The following ASAP3 variants were observed in gnomAD, a reference collection of about 807,000 sequenced individuals.
ASAP3 encodes the protein ArfGAP with SH3 domain, ankyrin repeat and PH domain 3.
In ASAP3, 85 loss-of-function variants were observed where a neutral mutation model predicts 118.2. The observed-to-expected ratio is 0.72, with a 90% confidence interval of 0.60 to 0.86. The LOEUF is 0.86. Ranked by LOEUF, ASAP3 falls within the 40% of genes least tolerant of loss-of-function variation. The pLI is 0.00. For synonymous variants in ASAP3, 432 were observed against 477.4 expected (o/e 0.90, Z 1.24); for missense variants, 1,026 against 1,175.0 (o/e 0.87, Z 1.85).
rs929106916 is a variant in ASAP3 at position 23,484,130 on chromosome 1, G to A, written c.4C>T (p.Pro2Ser). The change falls in exon 1 of 25, where the codon CCG (proline) becomes TCG (serine). Residue 2 changes from proline to serine, a missense_variant. Physicochemically the swap from Pro to Ser is moderately conservative, Grantham distance 74. Coordinates refer to ENST00000336689, the MANE Select transcript of ASAP3 (RefSeq NM_017707.4). M[P>S]EQFSVAEFLA... ...AACTCGGCGACGCTGAACTGCTCCGGCATGGCGGGCGCGAGCGTGGAGCTG... is the reference window on the plus strand; with the variant it reads ...AACTCGGCGACGCTGAACTGCTCCGACATGGCGGGCGCGAGCGTGGAGCTG... The A allele has an allele frequency of 7.8e-7, 1 of 1,277,806 alleles. No homozygotes were observed. The highest frequency in any genetic ancestry group is 9.9e-7 in the Non-Finnish European group (1 of 1,014,006). 79.2% of individuals were successfully genotyped at this position (1,277,806 alleles called of 1,614,324 possible).
chr1:23,475,250 G>A (rs995007985), intron 1 of ASAP3, among the ~76,000 whole-genome samples: 1 of 152,084 alleles, frequency 6.6e-6, no homozygotes, highest in Non-Finnish European at 1.5e-5. Context: ...CCACAGCAAT[G>A]GTGTCTAGTG....
intron 19 of ASAP3, among the ~76,000 whole-genome samples, chr1:23,433,988 T>G (rs1028719550): frequency 1.3e-5 from 2 of 152,230 alleles, no homozygotes; most frequent in Non-Finnish European, 2.9e-5. Flanking sequence ...GCTATTACAA[T>G]CATTATCATT....
chr1:23,437,269 G>A lies in ASAP3; in HGVS notation c.1203C>T (p.Phe401=), dbSNP rs1161048318. The A allele has an allele frequency of 1.9e-6, 3 of 1,599,258 alleles. No homozygotes were observed. The East Asian group carries it at 6.8e-5, about 36-fold the overall frequency. The change falls in exon 14 of 25, where the codon TTC becomes TTT. Residue 401 remains phenylalanine (F), a synonymous_variant. Coordinates refer to ENST00000336689, the MANE Select transcript of ASAP3 (RefSeq NM_017707.4). This position sits in a 1 kb window ranked among gnomAD's most constrained non-coding sequence, Gnocchi z 6.1. ...CCGGGCCAGCGCTGGGCTCCCCGAGGAAGGCGCTGCTCAGGGCTTCGTCCT... is the reference window on the plus strand; with the variant it reads ...CCGGGCCAGCGCTGGGCTCCCCGAGAAAGGCGCTGCTCAGGGCTTCGTCCT... ...NSKDEALSSA[F]LGEPSAGPGS... is the part of the protein sequence containing the mutation.
intron 5 of ASAP3, 39 bp downstream of exon 5, chr1:23,451,440 T>C (rs201226286): frequency 1.2e-6 from 2 of 1,601,352 alleles, no homozygotes; most frequent in East Asian, 2.2e-5. Flanking sequence ...GCCTAAGTGC[T>C]ACTCTCCCAG....
At chr1:23,439,358 A>G in intron 10 of ASAP3, 128 bp from the exon 11 acceptor site, 2 of 797,104 alleles carry the variant, frequency 2.5e-6, no homozygotes, top group Non-Finnish European at 4.1e-6. Context: ...TCTTCTCCTA[A>G]CCCTACACCC....
intron 5 of ASAP3, among the ~76,000 whole-genome samples, chr1:23,448,932 G>A (rs74542688): frequency 0.016 from 2,508 of 152,284 alleles, 28 homozygotes; most frequent in Middle Eastern, 0.034. Context: ...ACTGGCTGGT[G>A]CCTAAGCCTT....
Position 23,436,967 on chromosome 1 carries a change from G to T in ASAP3, c.1420C>A (p.Arg474Ser). ...GTGAGTGACTGCATGCGCGAAAAGCGCACGCCCAGTTCGCGGTGGACGCCC... is the reference window on the plus strand; with the variant it reads ...GTGAGTGACTGCATGCGCGAAAAGCTCACGCCCAGTTCGCGGTGGACGCCC... ...CSGVHRELGV[R>S]FSRMQSLTLD... Residue 474 changes from arginine to serine, a missense_variant, in exon 15 of 25, where the codon CGC becomes AGC. By Grantham distance (110) the Arg-to-Ser change is moderately radical. Coordinates refer to ENST00000336689, the MANE Select transcript of ASAP3 (RefSeq NM_017707.4). The surrounding 1 kb of genome is among the most constrained non-coding windows in gnomAD (Gnocchi z 4.2). The T allele has an allele frequency of 1.9e-6, 3 of 1,612,104 alleles. No individual in the cohort carries two copies. The highest frequency in any genetic ancestry group is 2.5e-6 in the Non-Finnish European group (3 of 1,179,640).
intron 1 of ASAP3, among the ~76,000 whole-genome samples, chr1:23,460,506 CAAA>C (rs71023213): frequency 5.9e-5 from 5 of 84,778 alleles, no homozygotes; most frequent in South Asian, 4.0e-4. Flanking sequence ...GACTCCATCT[CAAA>C]AAAAAAAAAA....
At chr1:23,459,776 T>C (rs1181877795) in intron 1 of ASAP3, among the ~76,000 whole-genome samples, 1 of 152,180 alleles carries the variant, frequency 6.6e-6, no homozygotes, top group East Asian at 1.9e-4. Context: ...TTCCATGAAA[T>C]ACCCCTGAAT....
At chr1:23,442,662 T>A in intron 5 of ASAP3, 50 bp from the exon 6 acceptor site, 1 of 1,586,578 alleles carries the variant, frequency 6.3e-7, no homozygotes, top group Non-Finnish European at 8.6e-7. Flanking sequence ...AGCCCCTATA[T>A]CCTCTTCTGC....
chr1:23,434,630 T>C lies in ASAP3; in HGVS notation c.1750-12A>G, dbSNP rs1188417594. On this transcript the variant is annotated splice_polypyrimidine_tract_variant and intron_variant, in intron 17 of 24. Coordinates refer to ENST00000336689, the MANE Select transcript of ASAP3 (RefSeq NM_017707.4). The stretch of plus-strand genomic sequence containing the variant: ...AGTTCTTCAGGTGCCTGAAAACACA[T>C]CCACACCTCTGAGATTCCCCCCCCA... The C allele has an allele frequency of 6.2e-7, 1 of 1,611,826 alleles. No homozygotes were observed. Among genetic ancestry groups the C allele is most frequent in the Non-Finnish European group, 8.5e-7 (1 of 1,179,586 alleles).
Position 23,437,402 on chromosome 1 carries a change from G to C in ASAP3, c.1151+22C>G. 1 of 1,613,300 alleles carries C rather than the reference G, an allele frequency of 6.2e-7. No homozygotes were observed. The highest frequency in any genetic ancestry group is 8.5e-7 in the Non-Finnish European group (1 of 1,179,592). On this transcript the variant is annotated intron_variant, in intron 13 of 24. Coordinates refer to ENST00000336689, the MANE Select transcript of ASAP3 (RefSeq NM_017707.4). This position sits in a 1 kb window ranked among gnomAD's most constrained non-coding sequence, Gnocchi z 6.1. ...CGGCCCCCACCCACAAGGCTGGCCG[G>C]GCTGGCCGAGGGGGCACTCACGCCT...
chr1:23,451,635 G>A (rs1294676063), intron 4 of ASAP3, 107 bp from the exon 5 acceptor site: 10 of 1,265,280 alleles, frequency 7.9e-6, no homozygotes, highest in Non-Finnish European at 9.1e-6. Context: ...CCCCTGAGCT[G>A]CTCAGAGCCC....
At chr1:23,457,511 T>C (rs1011300522) in intron 1 of ASAP3, among the ~76,000 whole-genome samples, 2 of 152,172 alleles carry the variant, frequency 1.3e-5, no homozygotes, top group Non-Finnish European at 2.9e-5. Flanking sequence ...TATGTGACCT[T>C]GAACAAGTTG....
chr1:23,442,083 G>C, intron 7 of ASAP3, 103 bp downstream of exon 7: 1 of 1,252,118 alleles, frequency 8.0e-7, no homozygotes, highest in Non-Finnish European at 1.1e-6. Flanking sequence ...CTGCCAAAAA[G>C]ATGCAGGCCT....
In ASAP3 at chr1:23,434,341, C is replaced by T. The variant is rs1422293595; in HGVS notation, c.1864G>A (p.Gly622Arg). 7.4e-6 allele frequency: 12 copies of T among 1,613,922 alleles called. No homozygotes were observed. The highest frequency in any genetic ancestry group is 1.1e-5 in the South Asian group (1 of 91,080). ...GCTGCGTAGTGCAGAGCCGTGTTCC[C>T]GTCAGCAGCCTTGGCATCCAGGTGA... ...GGHLDAKAAD[G>R]NTALHYAALY... The change falls in exon 19 of 25, where the codon GGG (glycine) becomes AGG (arginine). Residue 622 changes from glycine to arginine, a missense_variant. Gly to Arg is a moderately radical substitution (Grantham distance 125, BLOSUM62 -2). Transcript: ENST00000336689.
rs1176202439 is a variant in ASAP3 at position 23,436,018 on chromosome 1, T to A, written c.1582A>T (p.Arg528Trp). 1.2e-6 allele frequency: 2 copies of A among 1,614,124 alleles called. No individual in the cohort carries two copies. Among genetic ancestry groups the A allele is most frequent in the African/African-American group, 1.3e-5 (1 of 75,064 alleles). ...PSAESDMGTR[R>W]DYIMAKYVEH... ...ACATACTTGGCCATAATGTAGTCCC[T>A]GCGGGTGCCCCTACCAAAAACAACC... Residue 528 changes from arginine (R) to tryptophan (W), a missense_variant, in exon 17 of 25, where the codon AGG becomes TGG. By Grantham distance (101) the Arg-to-Trp change is moderately radical. Transcript: ENST00000336689. This position sits in a 1 kb window ranked among gnomAD's most constrained non-coding sequence, Gnocchi z 4.2.
chr1:23,431,869 C>T lies in ASAP3; in HGVS notation c.2373G>A (p.Glu791=), dbSNP rs375573559. The T allele has an allele frequency of 6.2e-6, 10 of 1,604,096 alleles. No individual in the cohort carries two copies. In the African/African-American group the frequency reaches 9.4e-5, roughly 15 times the overall value. The change falls in exon 23 of 25, where the codon GAG becomes GAA. Residue 791 remains glutamate (E), a synonymous_variant. Coordinates refer to ENST00000336689, the MANE Select transcript of ASAP3 (RefSeq NM_017707.4). ...AGGAGGAGGCTGGACTGCCCAGGCT[C>T]TCAGGGGTCTCAGGGGCCTCTGAAC... The part of the protein sequence containing the change: ...SLSSEAPETP[E]SLGSPASSSS...
chr1:23,461,026 A>G (rs1032461787), intron 1 of ASAP3, among the ~76,000 whole-genome samples: 1 of 152,228 alleles, frequency 6.6e-6, no homozygotes, highest in African/African-American at 2.4e-5. Flanking sequence ...TGGAGACAGT[A>G]AAAAGATCAG....
Sources: gnomAD v4.1 joint callset for allele counts (sites outside exome capture counted in the v4.1 genomes callset) on GRCh38, gnomAD v4.1.1 for gene constraint, Gnocchi (gnomAD v3.1) non-coding constraint, MANE v1.5 for transcripts, NCBI Gene and HGNC (gene_info 2026-07-23, HGNC 2026-07-21) for gene names.